Variants in LRRC43 observed in about 807,000 individuals in gnomAD.
LRRC43 encodes the protein leucine rich repeat containing 43.
Under a neutral mutation model 64.3 loss-of-function variants are expected in LRRC43, and 62 were observed. That is an observed-to-expected ratio of 0.96 (90% CI 0.79 to 1.19). LRRC43 has a LOEUF of 1.19. Among genes scored for constraint, LRRC43 ranks in the 50% most tolerant of loss-of-function variants. The pLI, the probability that LRRC43 is intolerant of heterozygous loss-of-function variation, is 0.00. For missense variants in LRRC43, 868 were observed against 845.0 expected, an observed-to-expected ratio of 1.03 and a Z score of -0.34; for synonymous variants, 422 against 382.3, an observed-to-expected ratio of 1.10 and a Z score of -1.21.
intron 11 of LRRC43, among the ~76,000 whole-genome samples, chr12:122,203,085 T>C (rs928055036): frequency 1.3e-5 from 2 of 152,204 alleles, no homozygotes; most frequent in Non-Finnish European, 2.9e-5. Context: ...AGCACGACAC[T>C]GTCTCAAAGC....
Position 122,168,819 on chromosome 12 carries a change from C to T in LRRC43, c.-406+1037C>T, listed in dbSNP as rs573530013. Among the ~76,000 whole-genome samples, 477 of 152,230 alleles carry T rather than the reference C, an allele frequency of 3.1e-3. 4 individuals carry two copies. Among genetic ancestry groups the T allele is most frequent in the African/African-American group, 0.011 (454 of 41,542 alleles). On this transcript the variant is annotated intron_variant, in intron 1 of 5. Coordinates refer to the LRRC43 transcript ENST00000537729. ...TGGTCCAAGAGTCAGTCCAAGTTCCCACATTGTGCTTAGTGCTTGTATCTC... is the reference window on the plus strand; with the variant it reads ...TGGTCCAAGAGTCAGTCCAAGTTCCTACATTGTGCTTAGTGCTTGTATCTC...
chr12:122,178,226 T>G (rs115809839), upstream of LRRC43, among the ~76,000 whole-genome samples: 1,050 of 150,376 alleles, frequency 7.0e-3, 2 homozygotes, highest in African/African-American at 0.024. Context: ...ATGTCAGCCT[T>G]ACTGGGGTTT....
At chr12:122,179,044 G>A (rs996507567), upstream of LRRC43, among the ~76,000 whole-genome samples, 6 of 152,174 alleles carry the variant, frequency 3.9e-5, no homozygotes, top group Admixed American at 1.3e-4. Flanking sequence ...TTTGGGGCTC[G>A]GGTGAGGTGA....
chr12:122,193,061 A>C, intron 7 of LRRC43, 57 bp downstream of exon 7: 1 of 1,567,398 alleles, frequency 6.4e-7, no homozygotes, highest in Non-Finnish European at 8.7e-7. Context: ...TCACGAGCCT[A>C]GACCACACTG....
At chr12:122,175,722 A>T (rs7312610) in intron 1 of LRRC43, among the ~76,000 whole-genome samples, 2 of 151,530 alleles carry the variant, frequency 1.3e-5, no homozygotes, top group Admixed American at 1.3e-4. Flanking sequence ...GCTGGAGTGC[A>T]ATAGCACGAT....
intron 4 of LRRC43, among the ~76,000 whole-genome samples, chr12:122,188,364 C>A (rs550529861): frequency 1.3e-4 from 20 of 152,184 alleles, no homozygotes; most frequent in African/African-American, 4.8e-4. Context: ...GTCTCGGCCT[C>A]CCAAAGTGCT....
chr12:122,188,231 C>T (rs1021887618), intron 4 of LRRC43, among the ~76,000 whole-genome samples: 27 of 152,142 alleles, frequency 1.8e-4, no homozygotes, highest in African/African-American at 5.5e-4. Context: ...CTCAGCCTCC[C>T]GAGTAGCTGG....
Position 122,192,952 on chromosome 12 carries a change from G to C in LRRC43, c.1297G>C (p.Glu433Gln), listed in dbSNP as rs1210328973. 1.1e-5 allele frequency: 17 copies of C among 1,614,026 alleles called. No homozygotes were observed. Among genetic ancestry groups the C allele is most frequent in the Non-Finnish European group, 1.4e-5 (16 of 1,180,036 alleles). ...GCAGATGCCGAGGGCCTCTGCAGAA[G>C]AGCTGGCCAAGTTGAGGCTGCGTAT... ...ILQMPRASAE[E>Q]LAKLRLRIDP... The change falls in exon 7 of 12, where the codon GAG (glutamate) becomes CAG (glutamine). Residue 433 changes from glutamate (E) to glutamine (Q), a missense_variant. Transcript: ENST00000339777.
chr12:122,197,522 T>C (rs1418931951), intron 7 of LRRC43, among the ~76,000 whole-genome samples: 1 of 152,068 alleles, frequency 6.6e-6, no homozygotes, highest in African/African-American at 2.4e-5. Context: ...ACTTTCTAGG[T>C]GCCTGAGTCG....
At chr12:122,191,590 G>A in intron 6 of LRRC43, 23 bp downstream of exon 6, 1 of 1,594,108 alleles carries the variant, frequency 6.3e-7, no homozygotes, top group Non-Finnish European at 8.6e-7. Flanking sequence ...CTGTCCCTAG[G>A]AGTATGGGGG....
chr12:122,184,613 AG>A lies in LRRC43; in HGVS notation c.247del (p.Ala83ProfsTer16), dbSNP rs1484104919. The A allele has an allele frequency of 6.2e-7, 1 of 1,613,870 alleles. No individual in the cohort carries two copies. The highest frequency in any genetic ancestry group is 8.5e-7 in the Non-Finnish European group (1 of 1,179,842). On this transcript the variant is annotated frameshift_variant, in exon 2 of 12. Transcript: ENST00000339777. LOFTEE classifies it high-confidence loss of function. The surrounding 1 kb of genome is among the most constrained non-coding windows in gnomAD (Gnocchi z 4.0). ...GTGAGCCCCGGAGAGGAGACGGTGG[AG>A]GCCCTGCTGGGCCTGGTCCGCAGCC... ...DVVSPGEETV[E>X]ALLGLVRSRH...
Position 122,187,756 on chromosome 12 carries a change from C to A in LRRC43, c.578C>A (p.Pro193Gln). The change falls in exon 4 of 12, where the codon CCA (proline) becomes CAA (glutamine). Residue 193 changes from proline to glutamine, a missense_variant. Transcript: ENST00000339777. Reference protein sequence around the residue: ...ISSMECLCAHPPAGLQHLGLG... With the variant: ...ISSMECLCAHQPAGLQHLGLG... Reference sequence around the variant, plus strand: ...AGCATGGAGTGTCTGTGTGCCCACCCACCCGCCGGCCTGCAGCACTTGGGG... The same window carrying A: ...AGCATGGAGTGTCTGTGTGCCCACCAACCCGCCGGCCTGCAGCACTTGGGG... 1 of 1,614,098 alleles carries A rather than the reference C, an allele frequency of 6.2e-7. No homozygotes were observed. The highest frequency in any genetic ancestry group is 8.5e-7 in the Non-Finnish European group (1 of 1,180,044).
chr12:122,195,681 G>A (rs1953767200), intron 7 of LRRC43, among the ~76,000 whole-genome samples: 1 of 152,058 alleles, frequency 6.6e-6, no homozygotes, highest in African/African-American at 2.4e-5. Context: ...TTTTCACTTT[G>A]TCTTTCAGCA....
rs536948806 is a variant in LRRC43, at chr12:122,173,723, C to T, written c.-406+5941C>T. 1.1e-5 allele frequency: 9 copies of T among 844,240 alleles called. No individual in the cohort carries two copies. In the East Asian group the frequency reaches 1.5e-4, roughly 14 times the overall value. The allele number at this position is 844,240 out of a possible 1,614,324, so 52.3% of individuals were successfully genotyped here. Reference sequence around the variant, plus strand: ...AGCCATCTTTGCCTGTCTAGTTTCCCCCATCCCTTCCTGGCATAGCTACAG... The same window carrying T: ...AGCCATCTTTGCCTGTCTAGTTTCCTCCATCCCTTCCTGGCATAGCTACAG... On this transcript the variant is annotated intron_variant, in intron 1 of 5. Coordinates refer to the LRRC43 transcript ENST00000537729.
At chr12:122,186,684 C>T (rs1418387991) in intron 3 of LRRC43, among the ~76,000 whole-genome samples, 4 of 151,940 alleles carry the variant, frequency 2.6e-5, no homozygotes, top group Non-Finnish European at 4.4e-5. Context: ...TTTGGGAGGC[C>T]GAGGCAGGTG....
In LRRC43 at chr12:122,200,510, G is replaced by A. The variant is rs369983108; in HGVS notation, c.1492-22G>A. ...AGCCCGCCTGGGCCTCTGCTCACTC[G>A]AGGATTCTCTCCTGCCCCTAGATTC... On this transcript the variant is annotated intron_variant, in intron 8 of 11. Transcript: ENST00000339777. This position sits in a 1 kb window ranked among gnomAD's most constrained non-coding sequence, Gnocchi z 4.6. 4.3e-6 allele frequency: 7 copies of A among 1,614,002 alleles called. No homozygotes were observed. The highest frequency in any genetic ancestry group is 1.3e-5 in the African/African-American group (1 of 75,026).
rs367724468 is a variant in LRRC43 at position 122,200,247 on chromosome 12, G to C, written c.1408G>C (p.Glu470Gln). 3 of 1,613,936 alleles carry C rather than the reference G, an allele frequency of 1.9e-6. No homozygotes were observed. Among genetic ancestry groups the C allele is most frequent in the South Asian group, 1.1e-5 (1 of 91,076 alleles). Reference sequence around the variant, plus strand: ...GGCTGAGGTCATCCCCTGCAGTTACGAGATGCAGCACTCTCTCAGGGACCT... The same window carrying C: ...GGCTGAGGTCATCCCCTGCAGTTACCAGATGCAGCACTCTCTCAGGGACCT... Reference protein sequence around the residue: ...PWAEVIPCSYEMQHSLRDLVP... With the variant: ...PWAEVIPCSYQMQHSLRDLVP... Residue 470 changes from glutamate (E) to glutamine (Q), a missense_variant, in exon 8 of 12, where the codon GAG (glutamate) becomes CAG (glutamine). Physicochemically the swap from Glu to Gln is conservative, Grantham distance 29. Coordinates refer to ENST00000339777, the MANE Select transcript of LRRC43 (RefSeq NM_001098519.2). The surrounding 1 kb of genome is among the most constrained non-coding windows in gnomAD (Gnocchi z 4.6).
chr12:122,177,385 C>T (rs984461755), intron 1 of LRRC43, among the ~76,000 whole-genome samples: 1 of 151,996 alleles, frequency 6.6e-6, no homozygotes, highest in African/African-American at 2.4e-5. Flanking sequence ...CCCTAGCCAG[C>T]CAGCACCTTT....
rs1953616327 is a variant in LRRC43, at chr12:122,184,395, A to G, written c.151-124A>G. 3.2e-6 allele frequency: 4 copies of G among 1,268,024 alleles called. No individual in the cohort carries two copies. The Admixed American group carries it at 1.0e-4, about 32-fold the overall frequency. 78.5% of individuals were successfully genotyped at this position (1,268,024 alleles called of 1,614,324 possible). Reference sequence around the variant, plus strand: ...AGGCATGAGCCACCGCACCTGGCCTACTCTCTAGATTTCTAAACTCTATCC... The same window carrying G: ...AGGCATGAGCCACCGCACCTGGCCTGCTCTCTAGATTTCTAAACTCTATCC... On this transcript the variant is annotated intron_variant, in intron 1 of 11. Coordinates refer to ENST00000339777, the MANE Select transcript of LRRC43 (RefSeq NM_001098519.2). The surrounding 1 kb of genome is among the most constrained non-coding windows in gnomAD (Gnocchi z 4.0).
Sources: allele counts gnomAD v4.1 joint callset (sites outside exome capture counted in the v4.1 genomes callset), GRCh38; gene constraint gnomAD v4.1.1; non-coding constraint Gnocchi (gnomAD v3.1); transcripts MANE v1.5; gene names NCBI Gene and HGNC (gene_info 2026-07-23, HGNC 2026-07-21).